Variants in TPTE2 observed in about 807,000 individuals in gnomAD.
TPTE2 encodes the protein transmembrane phosphoinositide 3-phosphatase and tensin homolog 2.
A neutral mutation model predicts 78.6 loss-of-function variants in TPTE2; 53 were observed. The ratio of observed to expected loss-of-function variants is 0.67; its 90% confidence interval spans 0.54 to 0.85. The LOEUF (loss-of-function observed/expected upper bound fraction) is 0.85, where lower values mean the gene tolerates loss of function less well. TPTE2 is among the 40% of genes least tolerant of loss of function. The probability of loss-of-function intolerance (pLI) is 0.00; values close to 1 mark genes in which losing one functional copy is unlikely to be tolerated. For missense variants in TPTE2, 461 were observed against 623.0 expected (o/e 0.74, Z 2.77); for synonymous variants, 175 against 206.2 (o/e 0.85, Z 1.30).
chr13:19,464,490 G>A (rs1879138264), exon 10 of TPTE2: 1 of 1,612,926 alleles, frequency 6.2e-7, no homozygotes, highest in East Asian at 2.2e-5. Context: ...CTGCCTTCCA[G>A]AAGATGGAAA....
intron 10 of TPTE2, among the ~76,000 whole-genome samples, chr13:19,451,843 G>GTGTGTGTGTGTGTGTA (rs1555249617): frequency 6.8e-6 from 1 of 147,030 alleles, no homozygotes; most frequent in African/African-American, 2.5e-5. Flanking sequence ...GTGTGTGTGT[G>GTGTGTGTGTGTGTGTA]TATATATGTA....
chr13:19,466,356 T>C (rs1223586635), intron 7 of TPTE2, among the ~76,000 whole-genome samples: 1 of 152,224 alleles, frequency 6.6e-6, no homozygotes, highest in Non-Finnish European at 1.5e-5. Context: ...TATTTTCAAA[T>C]AACTCCAAAA....
chr13:19,522,082 C>T (rs894352754), intron 1 of TPTE2, among the ~76,000 whole-genome samples: 4 of 152,144 alleles, frequency 2.6e-5, no homozygotes, highest in African/African-American at 9.7e-5. Context: ...CCTTATGTTT[C>T]TCCTTCAATG....
intron 3 of TPTE2, among the ~76,000 whole-genome samples, chr13:19,491,525 C>T (rs753751648): frequency 1.2e-4 from 18 of 152,068 alleles, no homozygotes; most frequent in Non-Finnish European, 4.4e-5. Context: ...AACCTATGTA[C>T]ATATTAAAAA....
At chr13:19,539,873 G>A (rs192777269), upstream of TPTE2, among the ~76,000 whole-genome samples, 178 of 152,228 alleles carry the variant, frequency 1.2e-3, no homozygotes, top group African/African-American at 4.0e-3. Flanking sequence ...GGCCAGGCAT[G>A]GTGGCTCACG....
At chr13:19,496,060 G>A (rs969112016) in intron 1 of TPTE2, among the ~76,000 whole-genome samples, 2 of 152,134 alleles carry the variant, frequency 1.3e-5, no homozygotes, top group African/African-American at 2.4e-5. Context: ...TAGAGATGGG[G>A]TTTCACCATG....
chr13:19,431,135 AAAAAAG>A (rs1242107730), intron 16 of TPTE2, among the ~76,000 whole-genome samples: 13 of 151,934 alleles, frequency 8.6e-5, no homozygotes, highest in Non-Finnish European at 1.5e-4. Context: ...TCCAAAAAAA[AAAAAAG>A]AAAAAGAAAA....
At chr13:19,491,467 T>C (rs543698086) in intron 3 of TPTE2, among the ~76,000 whole-genome samples, 9 of 152,308 alleles carry the variant, frequency 5.9e-5, no homozygotes, top group African/African-American at 1.9e-4. Flanking sequence ...CAAAGACTCA[T>C]TTACCAATGG....
chr13:19,456,624 G>A (rs1210449632), intron 10 of TPTE2, among the ~76,000 whole-genome samples: 2 of 152,134 alleles, frequency 1.3e-5, no homozygotes, highest in Non-Finnish European at 2.9e-5. Context: ...CCTGTACACT[G>A]CAAACATTGC....
At chr13:19,496,917 A>T (rs1881353904) in intron 1 of TPTE2, among the ~76,000 whole-genome samples, 1 of 152,150 alleles carries the variant, frequency 6.6e-6, no homozygotes, top group Non-Finnish European at 1.5e-5. Context: ...AGTGCCAGAC[A>T]GTGGGCGCAG....
At chr13:19,482,344 T>C in intron 4 of TPTE2, 144 bp downstream of exon 7, 1 of 775,596 alleles carries the variant, frequency 1.3e-6, no homozygotes, top group East Asian at 3.2e-5. Flanking sequence ...TCAACTGGAG[T>C]AAATACGGTG....
At chr13:19,446,151 G>T (rs1239773085) in intron 13 of TPTE2, among the ~76,000 whole-genome samples, 2 of 152,168 alleles carry the variant, frequency 1.3e-5, no homozygotes, top group African/African-American at 4.8e-5. Flanking sequence ...AAAGTTGTCA[G>T]TTCTCTCAAG....
rs1876925045 is a variant in TPTE2 at position 19,434,587 on chromosome 13, T to TTTGG, written c.1116+1638_1116+1639insCCAA. ...AGCTTAGGGTCTATGACTATCTTTG[T>TTTGG]TTTGTTTTGTTTTGTTTTGTTTGGG... On this transcript the variant is annotated intron_variant, in intron 15 of 19. Transcript: ENST00000400230. 2.7e-5 allele frequency among the ~76,000 whole-genome samples: 4 copies of TTTGG among 148,636 alleles called. No individual in the cohort carries two copies. The Admixed American group carries it at 2.7e-4, about 10-fold the overall frequency.
At chr13:19,440,596 T>C (rs1593355284) in intron 13 of TPTE2, among the ~76,000 whole-genome samples, 1 of 149,046 alleles carries the variant, frequency 6.7e-6, no homozygotes, top group East Asian at 2.0e-4. Context: ...ATAGTGAAAC[T>C]CCGTCTTTAC....
upstream of TPTE2, among the ~76,000 whole-genome samples, chr13:19,537,681 C>A (rs1481572403): frequency 6.6e-6 from 1 of 151,796 alleles, no homozygotes; most frequent in African/African-American, 2.4e-5. Context: ...TGGCTCACTG[C>A]AACCTCTGTC....
the TPTE2 span, among the ~76,000 whole-genome samples, chr13:19,548,560 G>A: frequency 6.6e-6 from 1 of 151,496 alleles, no homozygotes; most frequent in Admixed American, 6.6e-5. Flanking sequence ...ACAAACAAAA[G>A]TGTGATTAAC....
chr13:19,554,423 A>G, the TPTE2 span, among the ~76,000 whole-genome samples: 1 of 151,332 alleles, frequency 6.6e-6, no homozygotes, highest in Non-Finnish European at 1.5e-5. Context: ...AATAAAATAA[A>G]TGAGGATTGT....
At chr13:19,498,498 A>G (rs1881538496) in intron 1 of TPTE2, among the ~76,000 whole-genome samples, 2 of 152,126 alleles carry the variant, frequency 1.3e-5, no homozygotes, top group African/African-American at 2.4e-5. Context: ...AATATTCAAC[A>G]TTCTTAAAGA....
At chr13:19,470,407 T>C (rs1879531858) in intron 6 of TPTE2, among the ~76,000 whole-genome samples, 2 of 152,246 alleles carry the variant, frequency 1.3e-5, no homozygotes, top group Non-Finnish European at 2.9e-5. Flanking sequence ...ATCTTTCCCA[T>C]ATATTGTTGA....
Sources: allele counts gnomAD v4.1 joint callset (sites outside exome capture counted in the v4.1 genomes callset), GRCh38; gene constraint gnomAD v4.1.1; transcripts MANE v1.5; gene names NCBI Gene and HGNC (gene_info 2026-07-23, HGNC 2026-07-21).